The following ACTR3C variants were observed in gnomAD, a reference collection of about 807,000 sequenced individuals.
ACTR3C encodes actin related protein 3C.
Under a neutral mutation model 26.3 loss-of-function variants are expected in ACTR3C, and 18 were observed. The ratio of observed to expected loss-of-function variants is 0.68; its 90% CI spans 0.47 to 1.01. ACTR3C has a LOEUF of 1.01. Among genes scored for constraint, ACTR3C ranks in the 50% least tolerant of loss-of-function variants. ACTR3C has a pLI of 0.00. For synonymous variants in ACTR3C, 55 were observed against 94.5 expected (o/e 0.58, Z 2.42); for missense variants, 184 against 250.7 (o/e 0.73, Z 1.80).
At chr7:150,290,202 G>A (rs1836127029) in intron 3 of ACTR3C, among the ~76,000 whole-genome samples, 1 of 152,118 alleles carries the variant, frequency 6.6e-6, no homozygotes, top group South Asian at 2.1e-4. Context: ...GGTTTTGGGG[G>A]CTGGGAGCCT....
chr7:150,116,830 C>T, the ACTR3C span, among the ~76,000 whole-genome samples: 2,925 of 152,192 alleles, frequency 0.019, 110 homozygotes, highest in African/African-American at 0.067. Flanking sequence ...CTGCAGCTCC[C>T]AGCGAGACCA....
the ACTR3C span, among the ~76,000 whole-genome samples, chr7:150,041,618 C>T: frequency 3.1e-5 from 4 of 130,006 alleles, no homozygotes; most frequent in Non-Finnish European, 6.7e-5. Context: ...CTCTCAGTCC[C>T]TGCCTCGCGG....
chr7:150,004,083 T>C, the ACTR3C span, among the ~76,000 whole-genome samples: 1 of 150,816 alleles, frequency 6.6e-6, no homozygotes, highest in Non-Finnish European at 1.5e-5. Context: ...TGGTGTGTTA[T>C]GTGCTGTGTG....
chr7:150,121,821 T>C, the ACTR3C span, among the ~76,000 whole-genome samples: 1 of 152,170 alleles, frequency 6.6e-6, no homozygotes, highest in African/African-American at 2.4e-5. Flanking sequence ...TCATGCTACC[T>C]GACTTCAAAC....
chr7:150,279,958 A>G (rs915463927), intron 6 of ACTR3C, among the ~76,000 whole-genome samples: 14 of 152,216 alleles, frequency 9.2e-5, no homozygotes, highest in Non-Finnish European at 1.9e-4. Context: ...TCTTGTACCT[A>G]GTAGGTACTC....
the ACTR3C span, among the ~76,000 whole-genome samples, chr7:149,954,484 G>A: frequency 2.0e-5 from 3 of 152,176 alleles, no homozygotes; most frequent in Admixed American, 2.0e-4. Context: ...ATGGAACTGT[G>A]TTTATTTATA....
At chr7:150,277,360 GC>G (rs1834966811) in intron 6 of ACTR3C, among the ~76,000 whole-genome samples, 1 of 152,144 alleles carries the variant, frequency 6.6e-6, no homozygotes, top group South Asian at 2.1e-4. Context: ...TTTCTAAAGA[GC>G]CCTGACTAAC....
the ACTR3C span, among the ~76,000 whole-genome samples, chr7:149,968,882 T>C: frequency 6.6e-6 from 1 of 152,166 alleles, no homozygotes; most frequent in Non-Finnish European, 1.5e-5. Flanking sequence ...ATGCTGGCCA[T>C]GTGGGCCTGC....
rs186322237 is a variant in ACTR3C at position 150,253,085 on chromosome 7, C to T, written c.565-4031G>A. Among the ~76,000 whole-genome samples the T allele has an allele frequency of 2.4e-3, 361 of 152,184 alleles. 1 individual carries two copies. Among genetic ancestry groups the T allele is most frequent in the African/African-American group, 8.2e-3 (342 of 41,478 alleles). ...TACAGGATATCACGCTGCTGAATGA[C>T]GTGTACTTGAAGACCAGCAGAGGGT... is the stretch of plus-strand genomic sequence containing the variant. On this transcript the variant is annotated intron_variant, in intron 6 of 7. Coordinates refer to ENST00000683684, the MANE Select transcript of ACTR3C (RefSeq NM_001164458.2).
At chr7:149,974,865 C>T in the ACTR3C span, among the ~76,000 whole-genome samples, 2 of 151,974 alleles carry the variant, frequency 1.3e-5, no homozygotes, top group Admixed American at 6.5e-5. Flanking sequence ...GAAATGTAGT[C>T]AGTCCGTTGA....
chr7:149,984,201 C>CT, the ACTR3C span, among the ~76,000 whole-genome samples: 145 of 145,412 alleles, frequency 1.0e-3, no homozygotes, highest in East Asian at 4.8e-3. Flanking sequence ...TGAGGGATTC[C>CT]TTTTTTTTTT....
the ACTR3C span, among the ~76,000 whole-genome samples, chr7:149,992,657 G>C: frequency 7.9e-5 from 12 of 152,344 alleles, no homozygotes; most frequent in African/African-American, 2.6e-4. Flanking sequence ...GTTCCGTGAG[G>C]CCCCGTAGAA....
chr7:150,304,172 C>A (rs1187593975), intron 1 of ACTR3C, among the ~76,000 whole-genome samples: 1 of 152,048 alleles, frequency 6.6e-6, no homozygotes, highest in East Asian at 1.9e-4. Flanking sequence ...AGAAAGCTGA[C>A]CTCTACACTG....
At chr7:150,198,784 G>T in the ACTR3C span, among the ~76,000 whole-genome samples, 1 of 113,414 alleles carries the variant, frequency 8.8e-6, no homozygotes. Flanking sequence ...CTGGCCAGCC[G>T]TGCCGTCCGG....
chr7:150,260,220 A>G (rs1282396384), intron 6 of ACTR3C, among the ~76,000 whole-genome samples: 1 of 152,238 alleles, frequency 6.6e-6, no homozygotes, highest in African/African-American at 2.4e-5. Flanking sequence ...AATCTTTGGT[A>G]TAGGAAAGTA....
chr7:150,316,139 G>A (rs1156552551), intron 1 of ACTR3C, among the ~76,000 whole-genome samples: 2 of 152,346 alleles, frequency 1.3e-5, no homozygotes, highest in African/African-American at 4.8e-5. Context: ...GGAGGTTGCA[G>A]TGAGCCGAGA....
chr7:150,316,659 T>C (rs984392569), intron 1 of ACTR3C, among the ~76,000 whole-genome samples: 4 of 152,102 alleles, frequency 2.6e-5, no homozygotes, highest in Non-Finnish European at 5.9e-5. Flanking sequence ...CTAATTTTTG[T>C]ATTTTTAGTA....
At chr7:150,042,339 C>T in the ACTR3C span, among the ~76,000 whole-genome samples, 200 of 91,408 alleles carry the variant, frequency 2.2e-3, 2 homozygotes, top group East Asian at 4.5e-3. Flanking sequence ...CCCTGCCTCG[C>T]GGGGGGTGCC....
chr7:150,088,541 C>T, the ACTR3C span, among the ~76,000 whole-genome samples: 2 of 152,138 alleles, frequency 1.3e-5, no homozygotes, highest in African/African-American at 4.8e-5. Context: ...TCTTTGTGAC[C>T]CCAGGACAGT....
Sources: allele counts gnomAD v4.1 joint callset (sites outside exome capture counted in the v4.1 genomes callset), GRCh38; gene constraint gnomAD v4.1.1; transcripts MANE v1.5; gene names NCBI Gene and HGNC (gene_info 2026-07-23, HGNC 2026-07-21).